PLCXD3: variants seen among roughly 807,000 people sequenced by gnomAD.
The protein encoded by PLCXD3 is phosphatidylinositol specific phospholipase C X domain containing 3.
Under a neutral mutation model 25.5 loss-of-function variants are expected in PLCXD3, and 19 were observed. The observed-to-expected ratio is 0.75, with a 90% CI of 0.52 to 1.09. The LOEUF is 1.09. Among genes scored for constraint, PLCXD3 ranks in the 50% least tolerant of loss-of-function variants. The pLI is 0.00. For synonymous variants in PLCXD3, 174 were observed against 137.6 expected (o/e 1.26, Z -1.85); for missense variants, 411 against 388.1 (o/e 1.06, Z -0.50).
chr5:41,471,611 T>C (rs1351760169), intron 1 of PLCXD3, among the ~76,000 whole-genome samples: 3 of 152,132 alleles, frequency 2.0e-5, no homozygotes, highest in Non-Finnish European at 1.5e-5. Flanking sequence ...AGGATGTTAA[T>C]GAGCAATAAG....
At chr5:41,461,322 C>G (rs1281341862) in intron 1 of PLCXD3, among the ~76,000 whole-genome samples, 1 of 151,914 alleles carries the variant, frequency 6.6e-6, no homozygotes, top group East Asian at 1.9e-4. Flanking sequence ...TTCTTTCTTT[C>G]TTTTTTTGGT....
chr5:41,327,096 G>A (rs904757960), intron 2 of PLCXD3, among the ~76,000 whole-genome samples: 1 of 152,170 alleles, frequency 6.6e-6, no homozygotes, highest in African/African-American at 2.4e-5. Flanking sequence ...ACTTGGTCAT[G>A]CCTAGGCCCT....
intron 1 of PLCXD3, among the ~76,000 whole-genome samples, chr5:41,451,585 C>T (rs1747632526): frequency 6.6e-6 from 1 of 151,404 alleles, no homozygotes; most frequent in Non-Finnish European, 1.5e-5. Flanking sequence ...TAAAAGCAGC[C>T]CCAAAGAGAA....
intron 1 of PLCXD3, among the ~76,000 whole-genome samples, chr5:41,460,802 T>G (rs1211412998): frequency 6.6e-6 from 1 of 152,062 alleles, no homozygotes; most frequent in African/African-American, 2.4e-5. Flanking sequence ...TTTAAAATTC[T>G]TGCTTACGAA....
intron 2 of PLCXD3, among the ~76,000 whole-genome samples, chr5:41,317,472 GC>G (rs1743335167): frequency 6.6e-6 from 1 of 152,006 alleles, no homozygotes; most frequent in Non-Finnish European, 1.5e-5. Context: ...TATCTAACTA[GC>G]ATCAACACCA....
At chr5:41,403,907 T>C (rs1315194856) in intron 1 of PLCXD3, among the ~76,000 whole-genome samples, 1 of 151,970 alleles carries the variant, frequency 6.6e-6, no homozygotes, top group Non-Finnish European at 1.5e-5. Flanking sequence ...TATAGTCCTT[T>C]GGGTATAAAT....
At chr5:41,473,124 G>T (rs1748202297) in intron 1 of PLCXD3, among the ~76,000 whole-genome samples, 1 of 151,954 alleles carries the variant, frequency 6.6e-6, no homozygotes, top group African/African-American at 2.4e-5. Context: ...TATTCTTGGT[G>T]GTTAGGGAGA....
chr5:41,488,734 G>A (rs1369246249), intron 1 of PLCXD3, among the ~76,000 whole-genome samples: 1 of 147,390 alleles, frequency 6.8e-6, no homozygotes, highest in African/African-American at 2.6e-5. Flanking sequence ...CTTCTTTTGA[G>A]AAGTGTCTGT....
At chr5:41,454,458 C>T (rs547008275) in intron 1 of PLCXD3, among the ~76,000 whole-genome samples, 1 of 152,062 alleles carries the variant, frequency 6.6e-6, no homozygotes, top group South Asian at 2.1e-4. Flanking sequence ...TAGCTAACTC[C>T]CTGGAGTCTC....
chr5:41,490,523 C>T (rs1436486742), intron 1 of PLCXD3, among the ~76,000 whole-genome samples: 1 of 152,084 alleles, frequency 6.6e-6, no homozygotes, highest in East Asian at 1.9e-4. Context: ...CCAGTTCCTC[C>T]TTGTACCTCT....
In PLCXD3 at chr5:41,311,941, G is replaced by T. The variant is rs1416328817; in HGVS notation, c.*1676C>A. 1.3e-5 allele frequency: 2 copies of T among 152,414 alleles called. No individual in the cohort carries two copies. Among genetic ancestry groups the T allele is most frequent in the East Asian group, 3.9e-4 (2 of 5,194 alleles). The allele number at this position is 152,414 out of a possible 1,614,324, so 9.4% of individuals were successfully genotyped here. On this transcript the variant is annotated 3_prime_UTR_variant, in exon 3 of 3. Coordinates refer to ENST00000377801, the MANE Select transcript of PLCXD3 (RefSeq NM_001005473.3). Reference sequence around the variant, plus strand: ...TCTATGACCCTACTTTGCATGGACTGTATTATCCTAGGAAACTATTGGGGT... The same window carrying T: ...TCTATGACCCTACTTTGCATGGACTTTATTATCCTAGGAAACTATTGGGGT...
In PLCXD3 at chr5:41,408,820, G is replaced by A. The variant is rs993395607; in HGVS notation, c.104-26286C>T. Reference sequence around the variant, plus strand: ...ATGTATATATTTCTACATTTGTAACGATCACCCTTCCAAATGTAGTGAGTC... The same window carrying A: ...ATGTATATATTTCTACATTTGTAACAATCACCCTTCCAAATGTAGTGAGTC... On this transcript the variant is annotated intron_variant, in intron 1 of 2. Coordinates refer to ENST00000377801, the MANE Select transcript of PLCXD3 (RefSeq NM_001005473.3). Among the ~76,000 whole-genome samples, 7 of 152,236 alleles carry A rather than the reference G, an allele frequency of 4.6e-5. No individual in the cohort carries two copies. The East Asian group carries it at 5.8e-4, about 13-fold the overall frequency.
At chr5:41,415,970 AAGAATCAGG>A (rs1251781536) in intron 1 of PLCXD3, among the ~76,000 whole-genome samples, 1 of 152,188 alleles carries the variant, frequency 6.6e-6, no homozygotes, top group Non-Finnish European at 1.5e-5. Flanking sequence ...CTTAACTGAT[AAGAATCAGG>A]AGTGTTACCA....
At chr5:41,322,318 A>G (rs185613863) in intron 2 of PLCXD3, among the ~76,000 whole-genome samples, 2 of 152,386 alleles carry the variant, frequency 1.3e-5, no homozygotes, top group Admixed American at 6.5e-5. Context: ...AAACAGACAT[A>G]TGAACATATG....
intron 1 of PLCXD3, among the ~76,000 whole-genome samples, chr5:41,384,934 C>T (rs1201516169): frequency 6.6e-6 from 1 of 152,042 alleles, no homozygotes; most frequent in East Asian, 1.9e-4. Context: ...TGGTGCTTCA[C>T]ACTGTAAATA....
intron 1 of PLCXD3, among the ~76,000 whole-genome samples, chr5:41,411,609 A>T (rs1265914703): frequency 6.6e-6 from 1 of 152,172 alleles, no homozygotes; most frequent in Non-Finnish European, 1.5e-5. Flanking sequence ...TACCAAGTTG[A>T]GCCCATCATA....
chr5:41,415,350 C>A (rs931104891), intron 1 of PLCXD3, among the ~76,000 whole-genome samples: 17 of 152,152 alleles, frequency 1.1e-4, no homozygotes, highest in African/African-American at 3.9e-4. Context: ...AAGTCATTTT[C>A]AGGAAACCTT....
intron 1 of PLCXD3, among the ~76,000 whole-genome samples, chr5:41,453,349 C>T (rs2150514848): frequency 6.6e-6 from 1 of 151,368 alleles, no homozygotes; most frequent in East Asian, 2.0e-4. Context: ...TGTACCCATT[C>T]TCTGTCTTTT....
chr5:41,474,031 C>T (rs533812479), intron 1 of PLCXD3, among the ~76,000 whole-genome samples: 4 of 152,158 alleles, frequency 2.6e-5, no homozygotes, highest in African/African-American at 4.8e-5. Context: ...TCATTACAAC[C>T]GTTACTACTG....
Sources: gnomAD v4.1 joint callset for allele counts (sites outside exome capture counted in the v4.1 genomes callset) on GRCh38, gnomAD v4.1.1 for gene constraint, MANE v1.5 for transcripts, NCBI Gene and HGNC (gene_info 2026-07-23, HGNC 2026-07-21) for gene names.